CNTN4: variants seen among roughly 807,000 people sequenced by gnomAD.
The protein encoded by CNTN4 is contactin-4.
Under a neutral mutation model 122.5 loss-of-function variants are expected in CNTN4, and 77 were observed. The ratio of observed to expected loss-of-function variants is 0.63; its 90% CI spans 0.52 to 0.76. CNTN4 has a LOEUF of 0.76. Ranked by LOEUF, CNTN4 falls within the 30% of genes least tolerant of loss-of-function variation. The pLI is 0.00. For synonymous variants in CNTN4, 512 were observed against 447.0 expected (o/e 1.15, Z -1.83); for missense variants, 1,256 against 1,259.1 (o/e 1.00, Z 0.04).
chr3:2,172,122 T>C (rs2036543929), intron 2 of CNTN4, among the ~76,000 whole-genome samples: 1 of 152,154 alleles, frequency 6.6e-6, no homozygotes, highest in Admixed American at 6.6e-5. Flanking sequence ...CTCTTTTGAG[T>C]ATATCAGAAT....
chr3:2,934,534 G>T (rs747799345), intron 13 of CNTN4, among the ~76,000 whole-genome samples: 4 of 152,380 alleles, frequency 2.6e-5, no homozygotes, highest in Non-Finnish European at 5.9e-5. Flanking sequence ...CAAAGCAAAT[G>T]TGATGGCAGG....
intron 3 of CNTN4, among the ~76,000 whole-genome samples, chr3:2,384,294 G>T (rs1327049457): frequency 6.6e-6 from 1 of 152,118 alleles, no homozygotes; most frequent in Non-Finnish European, 1.5e-5. Context: ...TGAGCACCTG[G>T]AGGGCAAATG....
intron 6 of CNTN4, among the ~76,000 whole-genome samples, chr3:2,802,863 T>C (rs897700968): frequency 7.4e-6 from 1 of 135,482 alleles, no homozygotes; most frequent in Non-Finnish European, 1.7e-5. Flanking sequence ...TTTAATACTT[T>C]TAGAAAAAAA....
At chr3:2,830,606 G>T (rs2093083334) in intron 7 of CNTN4, among the ~76,000 whole-genome samples, 1 of 152,182 alleles carries the variant, frequency 6.6e-6, no homozygotes, top group Non-Finnish European at 1.5e-5. Context: ...TGCTACCAGG[G>T]ATGTACTAGC....
chr3:2,927,418 C>G (rs894721732), intron 13 of CNTN4: 1 of 440,082 alleles, frequency 2.3e-6, no homozygotes. Flanking sequence ...TTCTTAAAGC[C>G]TCTACTTAGA....
intron 6 of CNTN4, among the ~76,000 whole-genome samples, chr3:2,774,239 T>G (rs1025508060): frequency 5.9e-5 from 9 of 151,872 alleles, no homozygotes; most frequent in Admixed American, 4.6e-4. Flanking sequence ...CCAGCCTGAG[T>G]GACAGAGCGA....
intron 12 of CNTN4, among the ~76,000 whole-genome samples, chr3:2,920,165 A>C (rs541372238): frequency 8.5e-4 from 129 of 151,600 alleles, no homozygotes; most frequent in African/African-American, 2.9e-3. Context: ...AAAAACTCCA[A>C]AAGGTCACAT....
At chr3:2,477,401 T>A (rs2075863835) in intron 3 of CNTN4, among the ~76,000 whole-genome samples, 1 of 152,310 alleles carries the variant, frequency 6.6e-6, no homozygotes, top group South Asian at 2.1e-4. Flanking sequence ...ATGCTTCCCA[T>A]GACATAAGCT....
intron 2 of CNTN4, among the ~76,000 whole-genome samples, chr3:2,313,850 T>C (rs2043001324): frequency 6.6e-6 from 1 of 151,988 alleles, no homozygotes; most frequent in South Asian, 2.1e-4. Flanking sequence ...GCTTCCCTTA[T>C]ACTTTGTTTA....
chr3:2,266,861 A>G (rs2041071584), intron 2 of CNTN4, among the ~76,000 whole-genome samples: 1 of 152,088 alleles, frequency 6.6e-6, no homozygotes, highest in Non-Finnish European at 1.5e-5. Context: ...GAAGTTTTAG[A>G]CATCAAAGGA....
At chr3:2,598,210 G>T (rs1221767202) in intron 4 of CNTN4, among the ~76,000 whole-genome samples, 1 of 152,136 alleles carries the variant, frequency 6.6e-6, no homozygotes, top group African/African-American at 2.4e-5. Context: ...TCTACTTGCT[G>T]TGGTACCGAA....
chr3:2,748,628 A>T (rs1019569455), intron 6 of CNTN4, among the ~76,000 whole-genome samples: 23 of 152,206 alleles, frequency 1.5e-4, no homozygotes, highest in African/African-American at 5.3e-4. Flanking sequence ...AGCCAAATAT[A>T]CTATAATCGA....
intron 4 of CNTN4, among the ~76,000 whole-genome samples, chr3:2,610,626 A>G (rs543926168): frequency 6.6e-6 from 1 of 152,338 alleles, no homozygotes; most frequent in East Asian, 1.9e-4. Flanking sequence ...TAAATGTACA[A>G]ATGCTTGTTA....
At chr3:2,324,823 A>G (rs1461968010) in intron 2 of CNTN4, among the ~76,000 whole-genome samples, 2 of 151,434 alleles carry the variant, frequency 1.3e-5, no homozygotes, top group Admixed American at 6.6e-5. Flanking sequence ...CTAGCCCCCA[A>G]CTTTCCAACC....
intron 4 of CNTN4, among the ~76,000 whole-genome samples, chr3:2,675,771 C>T (rs1340454049): frequency 6.6e-6 from 1 of 152,224 alleles, no homozygotes; most frequent in East Asian, 1.9e-4. Flanking sequence ...AATACGAACA[C>T]ACGCTGCTCT....
At chr3:2,244,649 A>G (rs1390045940) in intron 2 of CNTN4, among the ~76,000 whole-genome samples, 1 of 152,032 alleles carries the variant, frequency 6.6e-6, no homozygotes, top group African/African-American at 2.4e-5. Flanking sequence ...TTCAAACTGC[A>G]TATGTGTCTT....
At chr3:2,929,444 C>A (rs564303781) in intron 13 of CNTN4, among the ~76,000 whole-genome samples, 12 of 152,284 alleles carry the variant, frequency 7.9e-5, no homozygotes, top group Admixed American at 2.0e-4. Context: ...TTATAAGGAG[C>A]TATACAACAA....
At chr3:3,008,667 A>G (rs1324813712) in intron 14 of CNTN4, among the ~76,000 whole-genome samples, 1 of 152,208 alleles carries the variant, frequency 6.6e-6, no homozygotes, top group African/African-American at 2.4e-5. Context: ...AGCATTAAAC[A>G]TGTAACCTGA....
At chr3:2,744,005 G>T (rs986733266) in intron 5 of CNTN4, among the ~76,000 whole-genome samples, 2 of 152,106 alleles carry the variant, frequency 1.3e-5, no homozygotes, top group Admixed American at 1.3e-4. Flanking sequence ...TGTGGAGGCA[G>T]CGTTGTGCCA....
Sources: gnomAD v4.1 joint callset for allele counts (sites outside exome capture counted in the v4.1 genomes callset) on GRCh38, gnomAD v4.1.1 for gene constraint, MANE v1.5 for transcripts, NCBI Gene and HGNC (gene_info 2026-07-23, HGNC 2026-07-21) for gene names.